The following DLG2 variants were observed in gnomAD, a reference collection of about 807,000 sequenced individuals.
DLG2 encodes disks large homolog 2.
DLG2 carries 45 observed loss-of-function variants against 132.5 expected under a neutral mutation model. The observed-to-expected ratio is 0.34, with a 90% confidence interval of 0.27 to 0.44. The LOEUF (loss-of-function observed/expected upper bound fraction) is 0.44. Ranked by LOEUF, DLG2 falls within the 20% of genes least tolerant of loss-of-function variation. The probability of loss-of-function intolerance (pLI) is 1.00; values close to 1 mark genes in which losing one functional copy is unlikely to be tolerated. For missense variants in DLG2, 1,045 were observed against 1,196.9 expected, an observed-to-expected ratio of 0.87 and a Z score of 1.87; for synonymous variants, 424 against 419.6, an observed-to-expected ratio of 1.01 and a Z score of -0.13.
chr11:83,491,657 C>T (rs1319551579), intron 21 of DLG2, among the ~76,000 whole-genome samples: 5 of 152,002 alleles, frequency 3.3e-5, no homozygotes, highest in East Asian at 1.9e-4. Context: ...CTGGATTTTA[C>T]GATGACTCTA....
chr11:85,163,512 A>G (rs2078199240), intron 4 of DLG2, among the ~76,000 whole-genome samples: 1 of 152,216 alleles, frequency 6.6e-6, no homozygotes, highest in African/African-American at 2.4e-5. Context: ...TGTAACATTG[A>G]AATAATACTG....
chr11:85,543,937 G>A (rs910170029), intron 3 of DLG2, among the ~76,000 whole-genome samples: 4 of 152,000 alleles, frequency 2.6e-5, no homozygotes, highest in African/African-American at 9.7e-5. Flanking sequence ...CATTCTGTAG[G>A]GTGCCTGTTC....
intron 5 of DLG2, among the ~76,000 whole-genome samples, chr11:85,125,953 G>A (rs539896718): frequency 6.6e-6 from 1 of 152,096 alleles, no homozygotes; most frequent in Non-Finnish European, 1.5e-5. Flanking sequence ...GTGTGGAAAT[G>A]TGGCATAAAA....
Position 85,518,955 on chromosome 11 carries a change from G to T in DLG2, c.40+79702C>A, listed in dbSNP as rs374445960. ...GCTTCCACGTGGTGTTGAGCCTGTG[G>T]GTGCACAGAAGTCAAGAATTTAGGT... On this transcript the variant is annotated intron_variant, in intron 3 of 27. Coordinates refer to ENST00000376104, the MANE Select transcript of DLG2 (RefSeq NM_001142699.3). Among the ~76,000 whole-genome samples the T allele has an allele frequency of 2.0e-5, 3 of 152,238 alleles. No homozygotes were observed. The East Asian group carries it at 5.8e-4, about 29-fold the overall frequency.
chr11:85,552,981 A>C (rs2076750688), intron 3 of DLG2, among the ~76,000 whole-genome samples: 1 of 151,814 alleles, frequency 6.6e-6, no homozygotes, highest in Non-Finnish European at 1.5e-5. Context: ...ACTTCAGATA[A>C]TTAAAGACAA....
chr11:84,622,323 T>C (rs1250096233), intron 6 of DLG2, among the ~76,000 whole-genome samples: 1 of 152,216 alleles, frequency 6.6e-6, no homozygotes, highest in Non-Finnish European at 1.5e-5. Context: ...TCTTTCTTGA[T>C]AGGAGCATAT....
intron 6 of DLG2, among the ~76,000 whole-genome samples, chr11:85,041,059 G>A (rs1391711507): frequency 6.6e-6 from 1 of 151,656 alleles, no homozygotes; most frequent in Non-Finnish European, 1.5e-5. Context: ...GGGGGAACAG[G>A]GGTCCAATTA....
chr11:84,061,269 G>C (rs1346215227), intron 10 of DLG2, among the ~76,000 whole-genome samples: 1 of 152,120 alleles, frequency 6.6e-6, no homozygotes, highest in Non-Finnish European at 1.5e-5. Context: ...TTTTGGGGAA[G>C]ATTAAATGAG....
At chr11:84,748,922 C>G (rs903040663) in intron 6 of DLG2, among the ~76,000 whole-genome samples, 11 of 152,186 alleles carry the variant, frequency 7.2e-5, no homozygotes, top group Non-Finnish European at 1.5e-4. Context: ...ATAATCGCAG[C>G]ACTTTGGAAG....
intron 11 of DLG2, among the ~76,000 whole-genome samples, chr11:84,012,544 G>T (rs1226949839): frequency 2.0e-5 from 3 of 152,128 alleles, no homozygotes; most frequent in East Asian, 1.9e-4. Context: ...ATGCAGTTGG[G>T]ATTCTCTCCA....
chr11:84,758,757 A>G (rs1017432566), intron 6 of DLG2, among the ~76,000 whole-genome samples: 1 of 152,226 alleles, frequency 6.6e-6, no homozygotes, highest in Non-Finnish European at 1.5e-5. Flanking sequence ...TTTCATAGGC[A>G]AGGAGTTGAA....
At chr11:83,651,867 G>C (rs2070591627) in intron 18 of DLG2, 1 of 471,014 alleles carries the variant, frequency 2.1e-6, no homozygotes, top group South Asian at 1.5e-5. Context: ...GGTCACATTG[G>C]CTGTCAAAGG....
rs189899691 is a variant in DLG2 at position 84,362,430 on chromosome 11, G to C, written c.520-111139C>G. On this transcript the variant is annotated intron_variant, in intron 7 of 27. Transcript: ENST00000376104. ...TAATTCAGAAGACTTCACATGTCTG[G>C]CAAGTGTTTGTTCTATGGGGAATTT... is the stretch of plus-strand genomic sequence containing the variant. Among the ~76,000 whole-genome samples, 1,004 of 151,922 alleles carry C rather than the reference G, an allele frequency of 6.6e-3. 8 individuals are homozygous for C. The highest frequency in any genetic ancestry group is 0.018 in the African/African-American group (744 of 41,462).
chr11:84,670,509 A>G (rs1243996411), intron 6 of DLG2, among the ~76,000 whole-genome samples: 1 of 152,178 alleles, frequency 6.6e-6, no homozygotes, highest in African/African-American at 2.4e-5. Flanking sequence ...AGGCTACAGA[A>G]CACACAAGTG....
chr11:84,415,620 G>A (rs1036132282), intron 7 of DLG2, among the ~76,000 whole-genome samples: 9 of 152,152 alleles, frequency 5.9e-5, no homozygotes, highest in African/African-American at 2.2e-4. Flanking sequence ...ATTCCAAAGT[G>A]GAGATTTGTC....
intron 3 of DLG2, among the ~76,000 whole-genome samples, chr11:85,439,356 ATT>A (rs35516320): frequency 1.1e-3 from 150 of 132,372 alleles, no homozygotes; most frequent in South Asian, 3.4e-3. Flanking sequence ...CTTCCTCAGC[ATT>A]TTTTTTTTTT....
chr11:84,205,430 G>A (rs1315303200), intron 8 of DLG2, among the ~76,000 whole-genome samples: 1 of 151,944 alleles, frequency 6.6e-6, no homozygotes, highest in Non-Finnish European at 1.5e-5. Flanking sequence ...GCATAATACA[G>A]ATTCTTTTTA....
chr11:84,802,203 C>G (rs543899435), intron 6 of DLG2, among the ~76,000 whole-genome samples: 1 of 151,312 alleles, frequency 6.6e-6, no homozygotes, highest in African/African-American at 2.4e-5. Flanking sequence ...TGCAATTTAA[C>G]TGCATAATCT....
intron 3 of DLG2, among the ~76,000 whole-genome samples, chr11:85,597,989 C>A (rs1441453234): frequency 2.7e-5 from 4 of 148,058 alleles, no homozygotes; most frequent in Non-Finnish European, 4.5e-5. Context: ...GCTATTTGCA[C>A]AAATATAAGA....
Sources: gnomAD v4.1 joint callset for allele counts (sites outside exome capture counted in the v4.1 genomes callset) on GRCh38, gnomAD v4.1.1 for gene constraint, MANE v1.5 for transcripts, NCBI Gene and HGNC (gene_info 2026-07-23, HGNC 2026-07-21) for gene names.